Variants in ATRNL1 observed in about 807,000 individuals in gnomAD.
ATRNL1 encodes the protein attractin like 1.
In ATRNL1, 95 loss-of-function variants were observed where a neutral mutation model predicts 182.7. That is an observed-to-expected ratio of 0.52 (90% confidence interval 0.44 to 0.62). The LOEUF (loss-of-function observed/expected upper bound fraction) is 0.62. ATRNL1 is among the 20% of genes least tolerant of loss of function. The pLI is 0.00. For synonymous variants in ATRNL1, 576 were observed against 568.3 expected, an observed-to-expected ratio of 1.01 and a Z score of -0.19; for missense variants, 1,471 against 1,679.5, an observed-to-expected ratio of 0.88 and a Z score of 2.17.
chr10:115,489,503 C>G (rs1051836403), intron 24 of ATRNL1, among the ~76,000 whole-genome samples: 2 of 152,104 alleles, frequency 1.3e-5, no homozygotes, highest in Non-Finnish European at 2.9e-5. Context: ...CTCTTTTGAT[C>G]TTTGTTGGTT....
chr10:115,742,928 CA>C (rs1555068043), intron 27 of ATRNL1, among the ~76,000 whole-genome samples: 1 of 152,128 alleles, frequency 6.6e-6, no homozygotes, highest in Non-Finnish European at 1.5e-5. Flanking sequence ...ACTCACAGTT[CA>C]GCATGGCTGG....
At chr10:115,222,306 G>T (rs1456943982) in intron 9 of ATRNL1, among the ~76,000 whole-genome samples, 1 of 152,084 alleles carries the variant, frequency 6.6e-6, no homozygotes, top group Non-Finnish European at 1.5e-5. Flanking sequence ...AGGACAGAAA[G>T]AAATACAAGG....
intron 27 of ATRNL1, among the ~76,000 whole-genome samples, chr10:115,792,533 A>G (rs1437406214): frequency 6.6e-6 from 1 of 152,066 alleles, no homozygotes; most frequent in East Asian, 1.9e-4. Flanking sequence ...GTAGCAGTAT[A>G]TATCTAAATT....
At chr10:115,387,906 A>T (rs151320313) in intron 19 of ATRNL1, among the ~76,000 whole-genome samples, 1 of 152,138 alleles carries the variant, frequency 6.6e-6, no homozygotes, top group Admixed American at 6.6e-5. Flanking sequence ...TACTTATGTT[A>T]TGATATATAG....
chr10:115,131,267 T>G (rs1165515690), intron 5 of ATRNL1, among the ~76,000 whole-genome samples: 1 of 152,102 alleles, frequency 6.6e-6, no homozygotes, highest in East Asian at 1.9e-4. Flanking sequence ...TATTTATAAC[T>G]ACATATATAT....
chr10:115,161,680 CTATT>C lies in ATRNL1; in HGVS notation c.1004+1469_1004+1472del, dbSNP rs1292030520. On this transcript the variant is annotated intron_variant, in intron 6 of 28. Transcript: ENST00000355044. ...ATATTTTCCATTGGAACCAGATAAA[CTATT>C]TAAGCCAACTTTTTTTTGTCTGAAA... Among the ~76,000 whole-genome samples, 9 of 152,202 alleles carry C rather than the reference CTATT, an allele frequency of 5.9e-5. No individual in the cohort carries two copies. In the East Asian group the frequency reaches 1.5e-3, roughly 26 times the overall value.
chr10:115,599,141 T>C (rs1856446399), intron 26 of ATRNL1, among the ~76,000 whole-genome samples: 1 of 152,216 alleles, frequency 6.6e-6, no homozygotes, highest in Admixed American at 6.5e-5. Flanking sequence ...AGTACTGTAT[T>C]GGAAAGCTAT....
chr10:115,184,511 A>C (rs1847868159), intron 8 of ATRNL1, among the ~76,000 whole-genome samples: 2 of 151,904 alleles, frequency 1.3e-5, no homozygotes, highest in African/African-American at 4.8e-5. Flanking sequence ...AGTAAAATAT[A>C]GTTACACATG....
Position 115,467,157 on chromosome 10 carries a change from ATTTTC to A in ATRNL1, c.3418-10_3418-6del, listed in dbSNP as rs1401418559. 3 of 1,567,950 alleles carry A rather than the reference ATTTTC, an allele frequency of 1.9e-6. No individual in the cohort carries two copies. Among genetic ancestry groups the A allele is most frequent in the Admixed American group, 1.7e-5 (1 of 58,608 alleles). ...GTAATTTTCGTTTTTTAACCTTAAT[ATTTTC>A]TTTTCTGGTAGTCGAACAAAAATCT... On this transcript the variant is annotated splice_polypyrimidine_tract_variant and intron_variant, in intron 22 of 28. Transcript: ENST00000355044.
intron 27 of ATRNL1, among the ~76,000 whole-genome samples, chr10:115,780,249 A>C (rs188250335): frequency 5.3e-5 from 8 of 152,330 alleles, no homozygotes; most frequent in African/African-American, 1.7e-4. Flanking sequence ...CAGCACGCAC[A>C]GAGGGAGCAT....
chr10:115,880,543 G>C (rs566828717), intron 28 of ATRNL1, among the ~76,000 whole-genome samples: 17 of 152,304 alleles, frequency 1.1e-4, no homozygotes, highest in Admixed American at 9.8e-4. Flanking sequence ...AGAATCGCTT[G>C]AACCCAGTGG....
chr10:115,553,211 T>A (rs1208393522), intron 26 of ATRNL1, among the ~76,000 whole-genome samples: 1 of 151,240 alleles, frequency 6.6e-6, no homozygotes, highest in Non-Finnish European at 1.5e-5. Flanking sequence ...TTACAAGAAG[T>A]TAATTTTTTT....
intron 27 of ATRNL1, among the ~76,000 whole-genome samples, chr10:115,833,328 A>T (rs1297695289): frequency 6.6e-6 from 1 of 152,166 alleles, no homozygotes; most frequent in Admixed American, 6.6e-5. Flanking sequence ...CGTGATCTGT[A>T]TGTGGTAGAG....
chr10:115,722,880 A>G (rs1565319350), intron 26 of ATRNL1, among the ~76,000 whole-genome samples: 1 of 152,290 alleles, frequency 6.6e-6, no homozygotes, highest in East Asian at 1.9e-4. Context: ...ATGTCTACCT[A>G]CTTTCAAGGA....
At chr10:115,356,785 A>G (rs1856523473) in intron 19 of ATRNL1, among the ~76,000 whole-genome samples, 1 of 151,952 alleles carries the variant, frequency 6.6e-6, no homozygotes, top group Admixed American at 6.6e-5. Context: ...CTATTTGAAT[A>G]GTGATTTTTA....
chr10:115,767,454 T>C (rs892488032), intron 27 of ATRNL1, among the ~76,000 whole-genome samples: 4 of 152,144 alleles, frequency 2.6e-5, no homozygotes, highest in East Asian at 1.9e-4. Flanking sequence ...CAGATTAAAG[T>C]AGACTACCTC....
At chr10:115,500,695 C>T (rs1227712001) in intron 24 of ATRNL1, among the ~76,000 whole-genome samples, 1 of 151,868 alleles carries the variant, frequency 6.6e-6, no homozygotes, top group Non-Finnish European at 1.5e-5. Context: ...GCATGTGCCA[C>T]CACGCCTGGC....
intron 27 of ATRNL1, among the ~76,000 whole-genome samples, chr10:115,839,815 C>A (rs1950762553): frequency 6.6e-6 from 1 of 152,094 alleles, no homozygotes; most frequent in Admixed American, 6.6e-5. Flanking sequence ...AGCACATTTA[C>A]CTTTTAAAAA....
chr10:115,228,272 A>C (rs1849777831), intron 9 of ATRNL1, among the ~76,000 whole-genome samples: 1 of 152,202 alleles, frequency 6.6e-6, no homozygotes, highest in Non-Finnish European at 1.5e-5. Flanking sequence ...GTTTCGTTAC[A>C]TTTAATAAGT....
Sources: gnomAD v4.1 joint callset for allele counts (sites outside exome capture counted in the v4.1 genomes callset) on GRCh38, gnomAD v4.1.1 for gene constraint, MANE v1.5 for transcripts, NCBI Gene and HGNC (gene_info 2026-07-23, HGNC 2026-07-21) for gene names.